The following ZNF212 variants were observed in gnomAD, a reference collection of about 807,000 sequenced individuals.
ZNF212 encodes the protein zinc finger protein 212, also known as Zinc finger protein C2H2-150.
In ZNF212, 32 loss-of-function variants were observed where a neutral mutation model predicts 47.3. The ratio of observed to expected loss-of-function variants is 0.68; its 90% CI spans 0.51 to 0.91. The LOEUF (loss-of-function observed/expected upper bound fraction) is 0.91. ZNF212 is among the 40% of genes least tolerant of loss of function. The pLI is 0.00. For synonymous variants in ZNF212, 242 were observed against 253.8 expected, an observed-to-expected ratio of 0.95 and a Z score of 0.44; for missense variants, 555 against 622.8, an observed-to-expected ratio of 0.89 and a Z score of 1.16.
chr7:149,248,530 G>A (rs898007060), intron 1 of ZNF212, among the ~76,000 whole-genome samples: 8 of 152,138 alleles, frequency 5.3e-5, no homozygotes, highest in South Asian at 2.1e-4. Context: ...CAGAAGACAA[G>A]AAGAAACTAG....
chr7:149,247,951 T>C (rs1397392484), intron 1 of ZNF212, among the ~76,000 whole-genome samples: 1 of 152,188 alleles, frequency 6.6e-6, no homozygotes, highest in Non-Finnish European at 1.5e-5. Flanking sequence ...CTGCTTAAAC[T>C]CATGGCAGAA....
At chr7:149,247,090 G>A (rs944155247) in intron 1 of ZNF212, among the ~76,000 whole-genome samples, 2 of 151,480 alleles carry the variant, frequency 1.3e-5, no homozygotes, top group African/African-American at 4.9e-5. Context: ...GGGATTTTAG[G>A]TGTGAGCCAC....
At position 149,239,708 on chromosome 7, in the gene ZNF212, G is replaced by C. The variant is rs932877799; in HGVS notation, c.-71G>C. 348 of 1,278,590 alleles carry C rather than the reference G, an allele frequency of 2.7e-4. No homozygotes were observed. Among genetic ancestry groups the C allele is most frequent in the Non-Finnish European group, 3.3e-4 (329 of 1,006,260 alleles). The allele number at this position is 1,278,590 out of a possible 1,614,324, so 79.2% of individuals were successfully genotyped here. A position where few individuals can be genotyped will look rare whatever the true frequency, so the allele number is the denominator to read the frequency against. On this transcript the variant is annotated 5_prime_UTR_variant, in exon 1 of 5. Transcript: ENST00000335870. ...GCGGCGGCTTCCAACAGGCTCTGGG[G>C]CGCCGAGCGGACAGGAACGCAGCAC...
intron 3 of ZNF212, among the ~76,000 whole-genome samples, chr7:149,251,491 C>CTTTTTT (rs71194634): frequency 1.7e-4 from 13 of 77,432 alleles, no homozygotes; most frequent in East Asian, 4.1e-4. Context: ...CCTGTTTTAT[C>CTTTTTT]TTTTTTTTTT....
At chr7:149,248,240 C>T (rs923787047) in intron 1 of ZNF212, among the ~76,000 whole-genome samples, 17 of 152,260 alleles carry the variant, frequency 1.1e-4, no homozygotes, top group Non-Finnish European at 2.2e-4. Flanking sequence ...GACATCTTCT[C>T]CCTGTGTGTG....
chr7:149,250,107 T>C (rs1458769873), intron 1 of ZNF212, 52 bp from the exon 2 acceptor site: 3 of 1,462,550 alleles, frequency 2.1e-6, no homozygotes, highest in Non-Finnish European at 2.7e-6. Flanking sequence ...AACACTGCTT[T>C]CTTTACTTGA....
chr7:149,246,385 CT>C (rs879770541), intron 1 of ZNF212, among the ~76,000 whole-genome samples: 328 of 143,546 alleles, frequency 2.3e-3, no homozygotes, highest in East Asian at 2.2e-3. Flanking sequence ...TATAATCAGT[CT>C]TTTTTTTTTT....
At chr7:149,251,052 GTTTT>G (rs67720780) in intron 3 of ZNF212, among the ~76,000 whole-genome samples, 1 of 124,486 alleles carries the variant, frequency 8.0e-6, no homozygotes. Flanking sequence ...TGCCTTTTGT[GTTTT>G]TTTTTTTTTT....
chr7:149,240,248 A>G (rs1419153401), intron 1 of ZNF212, among the ~76,000 whole-genome samples: 1 of 152,164 alleles, frequency 6.6e-6, no homozygotes, highest in Non-Finnish European at 1.5e-5. Flanking sequence ...CGGTTTTTCC[A>G]GTGCTGCAGA....
chr7:149,244,541 C>T (rs1056030626), intron 1 of ZNF212, among the ~76,000 whole-genome samples: 4 of 151,978 alleles, frequency 2.6e-5, no homozygotes, highest in African/African-American at 9.7e-5. Context: ...TCGCGATCTC[C>T]TGACCTCATG....
intron 1 of ZNF212, among the ~76,000 whole-genome samples, chr7:149,248,984 T>G (rs1159230922): frequency 6.6e-6 from 1 of 152,218 alleles, no homozygotes; most frequent in Non-Finnish European, 1.5e-5. Context: ...TGTCTCGGTC[T>G]TGGTGGCCTC....
Position 149,253,723 on chromosome 7 carries a change from G to A in ZNF212, c.796G>A (p.Gly266Arg), listed in dbSNP as rs751199187. The A allele has an allele frequency of 1.9e-5, 30 of 1,613,996 alleles. No homozygotes were observed. In the South Asian group the frequency reaches 2.6e-4, roughly 14 times the overall value. ...TTCTGTCCTCTTGGAAACAGGTCCTGGGGACTCTACTCTAGAGGAGCCTGT... is the reference window on the plus strand; with the variant it reads ...TTCTGTCCTCTTGGAAACAGGTCCTAGGGACTCTACTCTAGAGGAGCCTGT... ...GSSVLLETGP[G>R]DSTLEEPVGS... Residue 266 changes from glycine to arginine, a missense_variant, in exon 5 of 5, where the codon GGG becomes AGG. Transcript: ENST00000335870.
At position 149,250,762 on chromosome 7, in the gene ZNF212, T is replaced by C; in HGVS notation, c.496T>C (p.Tyr166His). Residue 166 changes from tyrosine (Y) to histidine (H), a missense_variant, in exon 3 of 5, where the codon TAC (tyrosine) becomes CAC (histidine). Physicochemically the swap from Tyr to His is moderately conservative, Grantham distance 83. Coordinates refer to ENST00000335870, the MANE Select transcript of ZNF212 (RefSeq NM_012256.4). Reference protein sequence around the residue: ...ENLEDWQKELYRNVMESNYET... With the variant: ...ENLEDWQKELHRNVMESNYET... ...TCTGGAGGATTGGCAGAAGGAGCTCTACAGAAACGTGATGGAGAGTAACTA... is the reference window on the plus strand; with the variant it reads ...TCTGGAGGATTGGCAGAAGGAGCTCCACAGAAACGTGATGGAGAGTAACTA... The C allele has an allele frequency of 6.2e-7, 1 of 1,614,232 alleles. No homozygotes were observed. Among genetic ancestry groups the C allele is most frequent in the Non-Finnish European group, 8.5e-7 (1 of 1,180,040 alleles).
intron 1 of ZNF212, among the ~76,000 whole-genome samples, chr7:149,243,170 G>T (rs1453564983): frequency 6.6e-6 from 1 of 152,078 alleles, no homozygotes; most frequent in Non-Finnish European, 1.5e-5. Context: ...AAGTTGGGTG[G>T]ATCATGAGGT....
chr7:149,250,184 C>CT lies in ZNF212; in HGVS notation c.53dup (p.Leu18PhefsTer61). ...CACAGGAGAAAACGACGCTCCACAC[C>CT]TTTAACTTCTTCCACACTTCCTTCA... On this transcript the variant is annotated frameshift_variant, in exon 2 of 5. Transcript: ENST00000335870. LOFTEE classifies it high-confidence loss of function. The CT allele has an allele frequency of 6.5e-7, 1 of 1,549,680 alleles. No individual in the cohort carries two copies. Among genetic ancestry groups the CT allele is most frequent in the Non-Finnish European group, 8.7e-7 (1 of 1,149,554 alleles).
chr7:149,243,546 C>T (rs78922783), intron 1 of ZNF212, among the ~76,000 whole-genome samples: 12,741 of 146,506 alleles, frequency 0.087, 565 homozygotes, highest in African/African-American at 0.12. Flanking sequence ...CAAGCAAATA[C>T]TAATGAAAAT....
rs1440778079 is a variant in ZNF212 at position 149,254,718 on chromosome 7, G to C, written c.*303G>C. ...TCTGACCCCACAGGGACTGGTGGCT[G>C]GTTCCAGGGCTCGTCCCGGCATTTC... On this transcript the variant is annotated 3_prime_UTR_variant, in exon 5 of 5. Coordinates refer to ENST00000335870, the MANE Select transcript of ZNF212 (RefSeq NM_012256.4). This position sits in a 1 kb window ranked among gnomAD's most constrained non-coding sequence, Gnocchi z 4.5. 2.8e-6 allele frequency: 1 copy of C among 359,544 alleles called. No homozygotes were observed. The highest frequency in any genetic ancestry group is 5.0e-6 in the Non-Finnish European group (1 of 200,106). The allele number at this position is 359,544 out of a possible 1,614,324, so 22.3% of individuals were successfully genotyped here.
At chr7:149,243,208 A>G (rs1412552611) in intron 1 of ZNF212, among the ~76,000 whole-genome samples, 4 of 152,150 alleles carry the variant, frequency 2.6e-5, no homozygotes, top group African/African-American at 9.7e-5. Context: ...CCTGGCTAAC[A>G]CAGTGAAATT....
At chr7:149,246,608 G>T (rs1796681220) in intron 1 of ZNF212, among the ~76,000 whole-genome samples, 1 of 151,986 alleles carries the variant, frequency 6.6e-6, no homozygotes, top group African/African-American at 2.4e-5. Flanking sequence ...GGATGGTCTT[G>T]ATCTCCTGAC....
Sources: gnomAD v4.1 joint callset for allele counts (sites outside exome capture counted in the v4.1 genomes callset) on GRCh38, gnomAD v4.1.1 for gene constraint, Gnocchi (gnomAD v3.1) non-coding constraint, MANE v1.5 for transcripts, NCBI Gene and HGNC (gene_info 2026-07-23, HGNC 2026-07-21) for gene names.